Variants in PTPRD observed in about 807,000 individuals in gnomAD.
PTPRD encodes protein tyrosine phosphatase receptor type D.
PTPRD carries 34 observed loss-of-function variants against 214.5 expected under a neutral mutation model. That is an observed-to-expected ratio of 0.16 (90% CI 0.12 to 0.21). PTPRD has a LOEUF of 0.21. Among genes scored for constraint, PTPRD ranks in the 10% least tolerant of loss-of-function variants. The pLI, the probability that PTPRD is intolerant of heterozygous loss-of-function variation, is 1.00. For synonymous variants in PTPRD, 1,128 were observed against 845.7 expected (o/e 1.33, Z -5.79); for missense variants, 2,545 against 2,398.7 (o/e 1.06, Z -1.27).
intron 5 of PTPRD, among the ~76,000 whole-genome samples, chr9:9,826,601 TCTG>T (rs2052944147): frequency 6.6e-6 from 1 of 152,044 alleles, no homozygotes; most frequent in Admixed American, 6.6e-5. Flanking sequence ...GTATACATAT[TCTG>T]CTATTTGGTA....
At chr9:10,478,870 G>C (rs895118806) in intron 2 of PTPRD, among the ~76,000 whole-genome samples, 1 of 151,690 alleles carries the variant, frequency 6.6e-6, no homozygotes, top group African/African-American at 2.4e-5. Context: ...AAAAATATTA[G>C]TATTTACTAT....
At chr9:8,635,773 G>GC (rs2096411441) in intron 13 of PTPRD, among the ~76,000 whole-genome samples, 2 of 152,172 alleles carry the variant, frequency 1.3e-5, no homozygotes, top group African/African-American at 4.8e-5. Context: ...GGTATTGGTA[G>GC]CCCCTAAAAT....
intron 3 of PTPRD, among the ~76,000 whole-genome samples, chr9:10,229,392 C>T (rs559724916): frequency 6.6e-6 from 1 of 152,098 alleles, no homozygotes; most frequent in East Asian, 1.9e-4. Context: ...GCTATAAAGA[C>T]ACATGCACAC....
intron 2 of PTPRD, among the ~76,000 whole-genome samples, chr9:10,459,881 G>T (rs924498285): frequency 1.4e-4 from 21 of 151,672 alleles, no homozygotes; most frequent in African/African-American, 5.1e-4. Context: ...ATTAAGAAAA[G>T]AAATTTAATA....
chr9:9,378,863 T>C (rs527378460), intron 9 of PTPRD, among the ~76,000 whole-genome samples: 39 of 152,172 alleles, frequency 2.6e-4, no homozygotes, highest in African/African-American at 9.1e-4. Flanking sequence ...TTTTTTCCTA[T>C]TGTTGATTTT....
intron 7 of PTPRD, among the ~76,000 whole-genome samples, chr9:9,578,331 T>C (rs2089666382): frequency 6.6e-6 from 1 of 152,086 alleles, no homozygotes; most frequent in African/African-American, 2.4e-5. Flanking sequence ...TGTAGATAAA[T>C]GCCTTTAATG....
At chr9:8,807,083 T>C (rs2096700197) in intron 11 of PTPRD, among the ~76,000 whole-genome samples, 1 of 152,136 alleles carries the variant, frequency 6.6e-6, no homozygotes, top group South Asian at 2.1e-4. Context: ...ATGCTTGTAA[T>C]CCTAGCAATT....
intron 11 of PTPRD, among the ~76,000 whole-genome samples, chr9:8,736,927 C>T (rs1000337674): frequency 3.3e-5 from 5 of 152,198 alleles, no homozygotes; most frequent in Non-Finnish European, 5.9e-5. Flanking sequence ...CCCCTCCTCC[C>T]GCTTTCACTG....
chr9:9,186,787 T>C (rs556268835), intron 9 of PTPRD, among the ~76,000 whole-genome samples: 1 of 152,132 alleles, frequency 6.6e-6, no homozygotes, highest in South Asian at 2.1e-4. Flanking sequence ...ATAACAAACA[T>C]TTCAGAAATA....
chr9:8,469,111 T>A (rs975929457), intron 31 of PTPRD, among the ~76,000 whole-genome samples: 1 of 152,042 alleles, frequency 6.6e-6, no homozygotes, highest in Admixed American at 6.6e-5. Context: ...CAAACCATTA[T>A]ACAGATTAAT....
chr9:9,882,426 C>T (rs576004024), intron 5 of PTPRD, among the ~76,000 whole-genome samples: 24 of 152,232 alleles, frequency 1.6e-4, no homozygotes, highest in Admixed American at 1.4e-3. Context: ...TTGGTTTCTT[C>T]TGCTGAGAAA....
At chr9:8,873,367 T>A (rs2098335092) in intron 11 of PTPRD, among the ~76,000 whole-genome samples, 1 of 152,202 alleles carries the variant, frequency 6.6e-6, no homozygotes, top group Non-Finnish European at 1.5e-5. Context: ...GTGGTTGTTT[T>A]AATTATTTCT....
chr9:9,627,114 G>A (rs2095446274), intron 7 of PTPRD, among the ~76,000 whole-genome samples: 1 of 152,144 alleles, frequency 6.6e-6, no homozygotes, highest in Admixed American at 6.5e-5. Flanking sequence ...AGGAGTTCGA[G>A]ACCAGCCTGG....
intron 7 of PTPRD, among the ~76,000 whole-genome samples, chr9:9,640,843 G>A (rs1333974365): frequency 6.6e-6 from 1 of 152,218 alleles, no homozygotes; most frequent in African/African-American, 2.4e-5. Flanking sequence ...ATTGCTAAGA[G>A]GTCATTGTAA....
intron 3 of PTPRD, among the ~76,000 whole-genome samples, chr9:10,295,852 A>G (rs1294142214): frequency 6.6e-6 from 1 of 152,012 alleles, no homozygotes; most frequent in Non-Finnish European, 1.5e-5. Flanking sequence ...TCAAATTTGA[A>G]TTGTGTGTGG....
At chr9:8,691,104 TA>T (rs2154381786) in intron 12 of PTPRD, among the ~76,000 whole-genome samples, 1 of 152,168 alleles carries the variant, frequency 6.6e-6, no homozygotes, top group African/African-American at 2.4e-5. Flanking sequence ...TTCAAAAAAA[TA>T]ATGAAATGGC....
intron 11 of PTPRD, among the ~76,000 whole-genome samples, chr9:8,992,349 G>A (rs185994079): frequency 1.3e-5 from 2 of 152,198 alleles, no homozygotes; most frequent in Non-Finnish European, 2.9e-5. Flanking sequence ...TAAAGAGTGT[G>A]ATCAACCTTT....
chr9:9,121,127 A>G (rs1013943688), intron 10 of PTPRD, among the ~76,000 whole-genome samples: 1 of 152,212 alleles, frequency 6.6e-6, no homozygotes, highest in African/African-American at 2.4e-5. Context: ...CTCTTGTAGT[A>G]AACAGAACAT....
chr9:8,455,473 G>A (rs1490823434), intron 33 of PTPRD, among the ~76,000 whole-genome samples: 1 of 152,080 alleles, frequency 6.6e-6, no homozygotes, highest in Non-Finnish European at 1.5e-5. Flanking sequence ...TCTTCACTTT[G>A]AGGCAAATTG....
Sources: allele counts gnomAD v4.1 joint callset (sites outside exome capture counted in the v4.1 genomes callset), GRCh38; gene constraint gnomAD v4.1.1; transcripts MANE v1.5; gene names NCBI Gene and HGNC (gene_info 2026-07-23, HGNC 2026-07-21).